The following HAS1 variants were observed in gnomAD, a reference collection of about 807,000 sequenced individuals.
HAS1 encodes HA synthase 1.
HAS1 carries 27 observed loss-of-function variants against 35.0 expected under a neutral mutation model. The ratio of observed to expected loss-of-function variants is 0.77; its 90% confidence interval spans 0.57 to 1.06. HAS1 has a LOEUF of 1.06. Ranked by LOEUF, HAS1 falls within the 50% of genes least tolerant of loss-of-function variation. The probability of loss-of-function intolerance (pLI) is 0.00; values close to 1 mark genes in which losing one functional copy is unlikely to be tolerated. For synonymous variants in HAS1, 409 were observed against 371.2 expected (o/e 1.10, Z -1.17); for missense variants, 940 against 814.8 (o/e 1.15, Z -1.87).
chr19:51,716,313 G>C lies in HAS1; in HGVS notation c.1001C>G (p.Thr334Ser), dbSNP rs781256537. 3.1e-6 allele frequency: 5 copies of C among 1,613,616 alleles called. No homozygotes were observed. The highest frequency in any genetic ancestry group is 4.2e-6 in the Non-Finnish European group (5 of 1,179,688). ...YNQKFLGTHC[T>S]FGDDRHLTNR... is the part of the protein sequence containing the mutation. ...GGTGAGGTGCCGGTCATCCCCAAAA[G>C]TACAGTGGGTACCCAGGAACTTCTG... is the stretch of plus-strand genomic sequence containing the variant. The change falls in exon 4 of 5, where the codon ACT becomes AGT. Residue 334 changes from threonine (T) to serine (S), a missense_variant. Thr to Ser is a moderately conservative substitution (Grantham distance 58, BLOSUM62 1). Transcript: ENST00000540069.
Position 51,713,880 on chromosome 19 carries a change from A to G in HAS1, c.1281T>C (p.Pro427=). 2 of 1,606,388 alleles carry G rather than the reference A, an allele frequency of 1.2e-6. No individual in the cohort carries two copies. Among genetic ancestry groups the G allele is most frequent in the Non-Finnish European group, 1.7e-6 (2 of 1,179,762 alleles). ...TVLRLFYAGR[P]WALLWVLLCV... is the part of the protein sequence containing the mutation. ...ACAGCAGCACCCACAGCAGCGCCCAAGGGCGGCCCGCGTAGAACAGACGCA... is the reference window on the plus strand; with the variant it reads ...ACAGCAGCACCCACAGCAGCGCCCAGGGGCGGCCCGCGTAGAACAGACGCA... Residue 427 remains proline, a synonymous_variant, in exon 5 of 5, where the codon CCT becomes CCC. Transcript: ENST00000540069. The surrounding 1 kb of genome is among the most constrained non-coding windows in gnomAD (Gnocchi z 4.5).
At chr19:51,720,214 G>GCTCAGCCTCCCAC (rs1256287474) in intron 1 of HAS1, among the ~76,000 whole-genome samples, 2 of 151,558 alleles carry the variant, frequency 1.3e-5, no homozygotes, top group Non-Finnish European at 1.5e-5. Context: ...CCGAGCTCAG[G>GCTCAGCCTCCCAC]CTCAGCCTCC....
At chr19:51,723,842 CGTG>C (rs1263142557) in intron 1 of HAS1, 80 bp downstream of exon 1, 2 of 1,273,686 alleles carry the variant, frequency 1.6e-6, no homozygotes, top group Non-Finnish European at 2.2e-6. Flanking sequence ...CCCCAACACA[CGTG>C]GTCACACATA....
chr19:51,721,200 G>C (rs960340843), intron 1 of HAS1, among the ~76,000 whole-genome samples: 6 of 152,078 alleles, frequency 3.9e-5, no homozygotes, highest in Non-Finnish European at 7.4e-5. Context: ...GGAGAGCCCT[G>C]GGGGACAGAT....
rs1360987522 is a variant in HAS1, at chr19:51,717,137, T to TG, written c.755_756insC (p.Leu253ThrfsTer18). 6.2e-7 allele frequency: 1 copy of TG among 1,613,904 alleles called. No individual in the cohort carries two copies. The highest frequency in any genetic ancestry group is 1.3e-5 in the African/African-American group (1 of 74,996). ...CCCCTACCCGGGGGTCCTCGTCCAG[T>TG]ACCCGCACGAGCTCCAGCAGTGCCA... On this transcript the variant is annotated frameshift_variant, in exon 3 of 5. Coordinates refer to ENST00000540069, the MANE Select transcript of HAS1 (RefSeq NM_001297436.2). LOFTEE classifies it high-confidence loss of function.
At position 51,716,927 on chromosome 19, in the gene HAS1, C is replaced by A. The variant is rs376495392; in HGVS notation, c.925+41G>T. On this transcript the variant is annotated intron_variant, in intron 3 of 4. Coordinates refer to ENST00000540069, the MANE Select transcript of HAS1 (RefSeq NM_001297436.2). ...CCCATCCGGCTTCCCTTCTCCCTTT[C>A]CACCCCATCCACAGCCCTCCCAATC... 2.1e-4 allele frequency: 291 copies of A among 1,371,516 alleles called. 1 individual carries two copies. The African/African-American group carries it at 3.0e-3, about 14-fold the overall frequency. The allele number at this position is 1,371,516 out of a possible 1,614,324, so 85.0% of individuals were successfully genotyped here.
At position 51,716,987 on chromosome 19, in the gene HAS1, G is replaced by C. The variant is rs1279145187; in HGVS notation, c.906C>G (p.Ser302=). The change falls in exon 3 of 5, where the codon TCC becomes TCG. Residue 302 remains serine (S), a synonymous_variant. Coordinates refer to ENST00000540069, the MANE Select transcript of HAS1 (RefSeq NM_001297436.2). ...GCTTACCTAGAGGACCGCTGATGCA[G>C]GATACACAGTGGAAGTAGCTCTGAC... The part of the protein sequence containing the change: ...RACQSYFHCV[S]CISGPLGLYR... 6.2e-7 allele frequency: 1 copy of C among 1,612,700 alleles called. No individual in the cohort carries two copies. The highest frequency in any genetic ancestry group is 1.3e-5 in the African/African-American group (1 of 74,886).
At chr19:51,723,882 T>TACACACACACACAC (rs759536923) in intron 1 of HAS1, 43 bp downstream of exon 1, 6 of 659,556 alleles carry the variant, frequency 9.1e-6, no homozygotes, top group East Asian at 6.6e-5. Context: ...CACATGGCTG[T>TACACACACACACAC]ATACACACAC....
intron 2 of HAS1, among the ~76,000 whole-genome samples, 158 bp from the exon 3 acceptor site, chr19:51,717,351 T>C (rs1245391741): frequency 1.3e-5 from 2 of 152,142 alleles, no homozygotes; most frequent in African/African-American, 2.4e-5. Flanking sequence ...GTAGTCACAG[T>C]TTAACATGTA....
At chr19:51,714,124 G>C (rs373226342) in intron 4 of HAS1, 22 bp from the exon 5 acceptor site, 1 of 1,602,082 alleles carries the variant, frequency 6.2e-7, no homozygotes, top group African/African-American at 1.3e-5. Context: ...CGAGGAATGA[G>C]GGCATCATCG....
rs761491315 is a variant in HAS1 at position 51,714,114 on chromosome 19, C to T, written c.1059-12G>A. 5 of 1,607,610 alleles carry T rather than the reference C, an allele frequency of 3.1e-6. No individual in the cohort carries two copies. The highest frequency in any genetic ancestry group is 1.1e-5 in the South Asian group (1 of 90,098). On this transcript the variant is annotated splice_polypyrimidine_tract_variant and intron_variant, in intron 4 of 4. Transcript: ENST00000540069. ...ACCTGGAGGTGTACCTGCACGGGGGCGAGGAATGAGGGCATCATCGCGTGC... is the reference window on the plus strand; with the variant it reads ...ACCTGGAGGTGTACCTGCACGGGGGTGAGGAATGAGGGCATCATCGCGTGC...
intron 1 of HAS1, among the ~76,000 whole-genome samples, chr19:51,721,859 C>T (rs972203148): frequency 2.4e-4 from 36 of 152,096 alleles, no homozygotes; most frequent in African/African-American, 8.7e-4. Flanking sequence ...TGCCTTGGCC[C>T]CCTAAAGTGC....
chr19:51,719,745 C>G lies in HAS1; in HGVS notation c.160G>C (p.Ala54Pro). The change falls in exon 2 of 5, where the codon GCC becomes CCC. Residue 54 changes from alanine to proline, a missense_variant. Physicochemically the swap from Ala to Pro is conservative, Grantham distance 27 (BLOSUM62 -1). Transcript: ENST00000540069. ...AGGAAGGCCCCGTAGAGGCCGAAGG[C>G]CAGGAGGCCGTAGCGATCGGAGGCC... Reference protein sequence around the residue: ...PLASDRYGLLAFGLYGAFLSA... With the variant: ...PLASDRYGLLPFGLYGAFLSA... The G allele has an allele frequency of 6.4e-7, 1 of 1,567,526 alleles. No individual in the cohort carries two copies. Among genetic ancestry groups the G allele is most frequent in the Non-Finnish European group, 8.6e-7 (1 of 1,161,396 alleles).
In HAS1 at chr19:51,723,950, G is replaced by C; in HGVS notation, c.-17C>G. ...CTGTCTCATCGCAGTGGGTCTGGCC[G>C]GGCTCTCTCTTCTCTCCGGCTTGCT... On this transcript the variant is annotated 5_prime_UTR_variant, in exon 1 of 5. Coordinates refer to ENST00000540069, the MANE Select transcript of HAS1 (RefSeq NM_001297436.2). 1 of 1,536,610 alleles carries C rather than the reference G, an allele frequency of 6.5e-7. No homozygotes were observed. Among genetic ancestry groups the C allele is most frequent in the Middle Eastern group, 1.7e-4 (1 of 5,832 alleles).
Position 51,717,171 on chromosome 19 carries a change from A to C in HAS1, c.722T>G (p.Leu241Trp). ...YVQVCDSDTR[L>W]DPMALLELVR... ...GAGCTCCAGCAGTGCCATGGGGTCCAACCTTGTGTCCGAGTCACAGACCTG... is the reference window on the plus strand; with the variant it reads ...GAGCTCCAGCAGTGCCATGGGGTCCCACCTTGTGTCCGAGTCACAGACCTG... The change falls in exon 3 of 5, where the codon TTG becomes TGG. Residue 241 changes from leucine to tryptophan, a missense_variant. Physicochemically the swap from Leu to Trp is moderately conservative, Grantham distance 61 (BLOSUM62 -2). Transcript: ENST00000540069. 3.1e-6 allele frequency: 5 copies of C among 1,613,220 alleles called. No homozygotes were observed. The highest frequency in any genetic ancestry group is 4.2e-6 in the Non-Finnish European group (5 of 1,179,636).
Position 51,723,981 on chromosome 19 carries a change from A to G in HAS1, c.-48T>C. On this transcript the variant is annotated 5_prime_UTR_variant, in exon 1 of 5. Transcript: ENST00000540069. Reference sequence around the variant, plus strand: ...TCTCTTCTCTCCGGCTTGCTCTCCCAGCCTCTCTGTGGCCAGAGAGCTGGA... The same window carrying G: ...TCTCTTCTCTCCGGCTTGCTCTCCCGGCCTCTCTGTGGCCAGAGAGCTGGA... 1 of 1,533,540 alleles carries G rather than the reference A, an allele frequency of 6.5e-7. No homozygotes were observed. Among genetic ancestry groups the G allele is most frequent in the Non-Finnish European group, 8.7e-7 (1 of 1,144,004 alleles). 95.0% of individuals were successfully genotyped at this position (1,533,540 alleles called of 1,614,324 possible).
At chr19:51,718,962 A>G (rs1380858483) in intron 2 of HAS1, among the ~76,000 whole-genome samples, 2 of 152,258 alleles carry the variant, frequency 1.3e-5, no homozygotes, top group Non-Finnish European at 2.9e-5. Flanking sequence ...GAATGAAAAA[A>G]GGAAAGAATG....
rs774565151 is a variant in HAS1 at position 51,719,695 on chromosome 19, G to C, written c.210C>G (p.Ser70Arg). The C allele has an allele frequency of 2.9e-5, 46 of 1,561,570 alleles. No individual in the cohort carries two copies. In the South Asian group the frequency reaches 5.2e-4, roughly 18 times the overall value. The part of the protein sequence containing the change: ...AFLSAHLVAQ[S>R]LFAYLEHRRV... ...GCCGGTGCTCCAGGTACGCGAAGAG[G>C]CTCTGCGCCACCAGGTGCGCTGAAA... The change falls in exon 2 of 5, where the codon AGC (serine) becomes AGG (arginine). Residue 70 changes from serine to arginine, a missense_variant. Transcript: ENST00000540069.
rs766119804 is a variant in HAS1, at chr19:51,717,119, C to T, written c.774G>A (p.Arg258=). 9.9e-6 allele frequency: 16 copies of T among 1,613,962 alleles called. No individual in the cohort carries two copies. The highest frequency in any genetic ancestry group is 1.4e-5 in the Non-Finnish European group (16 of 1,179,980). The change falls in exon 3 of 5, where the codon CGG becomes CGA. Residue 258 remains arginine, a synonymous_variant. Coordinates refer to ENST00000540069, the MANE Select transcript of HAS1 (RefSeq NM_001297436.2). ...GCACGTCCCCACCAACAGCCCCTAC[C>T]CGGGGGTCCTCGTCCAGTACCCGCA... ...ELVRVLDEDP[R]VGAVGGDVRI... is the part of the protein sequence containing the mutation.
Sources: gnomAD v4.1 joint callset for allele counts (sites outside exome capture counted in the v4.1 genomes callset) on GRCh38, gnomAD v4.1.1 for gene constraint, Gnocchi (gnomAD v3.1) non-coding constraint, MANE v1.5 for transcripts, NCBI Gene and HGNC (gene_info 2026-07-23, HGNC 2026-07-21) for gene names.